IPO7: variants seen among roughly 807,000 people sequenced by gnomAD.
IPO7 encodes the protein importin-7.
A neutral mutation model predicts 136.4 loss-of-function variants in IPO7; 13 were observed. That is an observed-to-expected ratio of 0.10 (90% CI 0.06 to 0.15). The LOEUF (loss-of-function observed/expected upper bound fraction) is 0.15, where lower values mean the gene tolerates loss of function less well. IPO7 is among the 10% of genes least tolerant of loss of function. IPO7 has a pLI of 1.00. For synonymous variants in IPO7, 403 were observed against 404.4 expected (o/e 1.00, Z 0.04); for missense variants, 857 against 1,240.6 (o/e 0.69, Z 4.65).
At chr11:9,408,992 G>A (rs565531116) in intron 3 of IPO7, among the ~76,000 whole-genome samples, 31 of 151,954 alleles carry the variant, frequency 2.0e-4, no homozygotes, top group Non-Finnish European at 4.0e-4. Context: ...GATTACAGGC[G>A]TGAACCACTG....
At chr11:9,431,025 G>C in intron 16 of IPO7, 22 bp downstream of exon 16, 1 of 1,604,436 alleles carries the variant, frequency 6.2e-7, no homozygotes, top group African/African-American at 1.3e-5. Context: ...ATCTAGTGTT[G>C]CAGTTTTTCA....
At chr11:9,439,811 G>A (rs754438203) in intron 22 of IPO7, among the ~76,000 whole-genome samples, 1 of 152,164 alleles carries the variant, frequency 6.6e-6, no homozygotes, top group Non-Finnish European at 1.5e-5. Context: ...CTGACCTCAT[G>A]ATCTGCCTGC....
chr11:9,440,400 G>T (rs868682296), intron 22 of IPO7, 55 bp from the exon 23 acceptor site: 2 of 1,392,604 alleles, frequency 1.4e-6, no homozygotes, highest in Middle Eastern at 3.6e-4. Context: ...TTGTCAATTT[G>T]TTGAGTAACA....
chr11:9,411,363 C>T (rs971219575), intron 4 of IPO7, among the ~76,000 whole-genome samples: 1 of 152,090 alleles, frequency 6.6e-6, no homozygotes, highest in East Asian at 1.9e-4. Context: ...TCCTCAGGAG[C>T]ATAGATCCTC....
At chr11:9,419,559 A>AAAATATATATATAT (rs1256216265) in intron 6 of IPO7, among the ~76,000 whole-genome samples, 1 of 116,866 alleles carries the variant, frequency 8.6e-6, no homozygotes, top group African/African-American at 3.8e-5. Context: ...AAAAAAAAAA[A>AAAATATATATATAT]ATATATATAT....
chr11:9,437,871 C>T lies in IPO7; in HGVS notation c.2386C>T (p.Leu796=), dbSNP rs1169499469. The T allele has an allele frequency of 1.2e-6, 2 of 1,613,514 alleles. No homozygotes were observed. Among genetic ancestry groups the T allele is most frequent in the Admixed American group, 1.7e-5 (1 of 60,002 alleles). ...TGCAGCTTTGTATTATAATCCACAC[C>T]TACTACTCAATACCTTAGAAAATCT... ...AIAALYYNPH[L]LLNTLENLRF... Residue 796 remains leucine (L), a synonymous_variant, in exon 21 of 25, where the codon CTA becomes TTA. Transcript: ENST00000379719.
chr11:9,396,301 C>T (rs993548983), intron 1 of IPO7, among the ~76,000 whole-genome samples: 2 of 152,076 alleles, frequency 1.3e-5, no homozygotes, highest in Admixed American at 1.3e-4. Context: ...GAAGCTGAGG[C>T]AGGAGAGTCA....
intron 5 of IPO7, among the ~76,000 whole-genome samples, chr11:9,416,669 C>T (rs576681496): frequency 2.4e-4 from 36 of 152,096 alleles, no homozygotes; most frequent in Non-Finnish European, 2.9e-4. Flanking sequence ...CCTTACATCA[C>T]GTTAAAATAG....
intron 14 of IPO7, among the ~76,000 whole-genome samples, chr11:9,429,441 G>C (rs1345057984): frequency 6.6e-6 from 1 of 151,994 alleles, no homozygotes; most frequent in Non-Finnish European, 1.5e-5. Flanking sequence ...GACGGTTCGA[G>C]GCTGCAGTGT....
In IPO7 at chr11:9,421,652, A is replaced by G. The variant is rs1855131463; in HGVS notation, c.906+954A>G. ...CAAAAAAAAAAAATTCTTAAGAAAA[A>G]CTTGTTCTAAGGCTGGGCGCAGTTG... On this transcript the variant is annotated intron_variant, in intron 8 of 24. Coordinates refer to ENST00000379719, the MANE Select transcript of IPO7 (RefSeq NM_006391.3). Among the ~76,000 whole-genome samples the G allele has an allele frequency of 2.1e-5, 3 of 143,000 alleles. No homozygotes were observed. In the Admixed American group the frequency reaches 2.2e-4, roughly 10 times the overall value. 93.8% of individuals were successfully genotyped at this position (143,000 alleles called of 152,430 possible).
rs1249154595 is a variant in IPO7, at chr11:9,447,819, C to G, written c.*2625C>G. The G allele has an allele frequency of 6.6e-6, 1 of 151,894 alleles. No homozygotes were observed. Among genetic ancestry groups the G allele is most frequent in the South Asian group, 2.1e-4 (1 of 4,820 alleles). 9.4% of individuals were successfully genotyped at this position (151,894 alleles called of 1,614,324 possible). The stretch of plus-strand genomic sequence containing the variant: ...TAAAGGAAGTTAATCTGTTTCTCTG[C>G]AGGTAATAAAATAGTGACACACTGT... On this transcript the variant is annotated 3_prime_UTR_variant, in exon 25 of 25. Coordinates refer to ENST00000379719, the MANE Select transcript of IPO7 (RefSeq NM_006391.3).
At chr11:9,412,719 C>T (rs569182350) in intron 4 of IPO7, among the ~76,000 whole-genome samples, 3 of 152,108 alleles carry the variant, frequency 2.0e-5, no homozygotes, top group Admixed American at 6.5e-5. Flanking sequence ...GTAGTCCCAG[C>T]TACTCAAGAG....
At chr11:9,388,839 C>T (rs1178601241) in intron 1 of IPO7, among the ~76,000 whole-genome samples, 1 of 152,122 alleles carries the variant, frequency 6.6e-6, no homozygotes, top group Admixed American at 6.6e-5. Context: ...GTGGCTGGGA[C>T]TGCAGACACG....
At chr11:9,428,710 A>G in intron 13 of IPO7, 81 bp downstream of exon 13, 3 of 843,204 alleles carry the variant, frequency 3.6e-6, no homozygotes, top group Middle Eastern at 2.2e-4. Context: ...AAACTTTTAA[A>G]TGTTCACTTT....
intron 1 of IPO7, among the ~76,000 whole-genome samples, chr11:9,389,365 T>C (rs1827489572): frequency 6.6e-6 from 1 of 152,166 alleles, no homozygotes; most frequent in Non-Finnish European, 1.5e-5. Context: ...TTAAATATAA[T>C]GCCAGGAAGA....
chr11:9,432,062 T>G (rs1052166714), intron 16 of IPO7, among the ~76,000 whole-genome samples: 2 of 152,160 alleles, frequency 1.3e-5, no homozygotes, highest in African/African-American at 2.4e-5. Flanking sequence ...TTTTCCCTAC[T>G]TCCTTTCTTC....
intron 2 of IPO7, among the ~76,000 whole-genome samples, chr11:9,406,441 T>C (rs922549775): frequency 6.6e-6 from 1 of 152,196 alleles, no homozygotes; most frequent in Non-Finnish European, 1.5e-5. Flanking sequence ...AGGAGTGATA[T>C]TAATAAATTC....
In IPO7 at chr11:9,423,046, A is replaced by T; in HGVS notation, c.947A>T (p.Tyr316Phe). 1 of 1,605,164 alleles carries T rather than the reference A, an allele frequency of 6.2e-7. No individual in the cohort carries two copies. Among genetic ancestry groups the T allele is most frequent in the African/African-American group, 1.3e-5 (1 of 74,826 alleles). ...TTATATCAGTACAAGGAGAAGCAAT[A>T]TATGGCTCCTCGAGTTTTACAACAG... ...KVLYQYKEKQ[Y>F]MAPRVLQQTL... The change falls in exon 9 of 25, where the codon TAT (tyrosine) becomes TTT (phenylalanine). Residue 316 changes from tyrosine (Y) to phenylalanine (F), a missense_variant. This residue lies in a region of IPO7 where 287 missense variants were observed against 307.5 expected (regional missense o/e 0.93). Transcript: ENST00000379719.
At chr11:9,408,400 A>G in intron 2 of IPO7, 86 bp from the exon 3 acceptor site, 1 of 771,602 alleles carries the variant, frequency 1.3e-6, no homozygotes, top group Middle Eastern at 4.2e-4. Context: ...GTAGTGTGAA[A>G]GAAATACTTG....
Sources: gnomAD v4.1 joint callset for allele counts (sites outside exome capture counted in the v4.1 genomes callset) on GRCh38, gnomAD v4.1.1 for gene constraint, gnomAD v4.1.1 regional missense constraint, MANE v1.5 for transcripts, NCBI Gene and HGNC (gene_info 2026-07-23, HGNC 2026-07-21) for gene names.